The following DYM variants were observed in gnomAD, a reference collection of about 807,000 sequenced individuals.
DYM encodes dymeclin, also known as dyggve-Melchior-Clausen syndrome protein.
Under a neutral mutation model 93.1 loss-of-function variants are expected in DYM, and 78 were observed. That is an observed-to-expected ratio of 0.84 (90% confidence interval 0.70 to 1.01). DYM has a LOEUF of 1.01. DYM is among the 50% of genes least tolerant of loss of function. DYM has a pLI of 0.00. For missense variants in DYM, 789 were observed against 845.0 expected (o/e 0.93, Z 0.82); for synonymous variants, 321 against 319.7 (o/e 1.00, Z -0.04).
intron 13 of DYM, among the ~76,000 whole-genome samples, chr18:49,213,669 C>T (rs1032837663): frequency 1.3e-5 from 2 of 152,094 alleles, no homozygotes; most frequent in Non-Finnish European, 2.9e-5. Flanking sequence ...AATGAGATTA[C>T]CAGAGGCAAG....
intron 2 of DYM, among the ~76,000 whole-genome samples, chr18:49,394,971 C>G (rs2069862629): frequency 6.6e-6 from 1 of 152,166 alleles, no homozygotes; most frequent in African/African-American, 2.4e-5. Flanking sequence ...ACCCCTATCT[C>G]TAACCACTTA....
At chr18:49,206,944 T>C (rs1039981934) in intron 14 of DYM, among the ~76,000 whole-genome samples, 1 of 152,212 alleles carries the variant, frequency 6.6e-6, no homozygotes. Context: ...ACTCAGAAAC[T>C]GAGTGTTGGC....
intron 2 of DYM, among the ~76,000 whole-genome samples, chr18:49,413,959 A>G (rs111512140): frequency 0.091 from 13,895 of 152,154 alleles, 860 homozygotes; most frequent in East Asian, 0.31. Context: ...ACATTGAGCC[A>G]AAATCACGCC....
chr18:49,099,689 T>C (rs1255130488), intron 16 of DYM, among the ~76,000 whole-genome samples: 4 of 152,220 alleles, frequency 2.6e-5, no homozygotes, highest in Admixed American at 2.0e-4. Context: ...TACAGATTAC[T>C]AATCACAGCA....
intron 2 of DYM, among the ~76,000 whole-genome samples, chr18:49,397,363 T>C (rs1385002043): frequency 6.6e-6 from 1 of 152,226 alleles, no homozygotes; most frequent in African/African-American, 2.4e-5. Context: ...AAATCTCTTC[T>C]GTGGGACAGG....
intron 14 of DYM, among the ~76,000 whole-genome samples, chr18:49,192,031 G>A (rs1422059574): frequency 6.6e-6 from 1 of 151,784 alleles, no homozygotes; most frequent in East Asian, 1.9e-4. Context: ...CAAACACCTG[G>A]GCTCAAGCGA....
chr18:49,441,548 C>T (rs80192825), intron 1 of DYM, among the ~76,000 whole-genome samples: 13,579 of 149,274 alleles, frequency 0.091, 823 homozygotes, highest in East Asian at 0.3. Flanking sequence ...GGCAACTAGG[C>T]TCCAAGTGCT....
chr18:49,260,800 C>T (rs1832466652), intron 11 of DYM, among the ~76,000 whole-genome samples: 1 of 151,514 alleles, frequency 6.6e-6, no homozygotes, highest in South Asian at 2.1e-4. Context: ...GAGAAACTAC[C>T]ACATAAGCAT....
chr18:49,231,689 T>C (rs2093699512), intron 13 of DYM, among the ~76,000 whole-genome samples: 1 of 152,232 alleles, frequency 6.6e-6, no homozygotes, highest in Non-Finnish European at 1.5e-5. Flanking sequence ...GGAGTGGATC[T>C]ACTTGTATCT....
At chr18:49,282,271 AT>A in intron 9 of DYM, 96 bp from the exon 10 acceptor site, 1 of 1,182,510 alleles carries the variant, frequency 8.5e-7, no homozygotes, top group Non-Finnish European at 1.2e-6. Context: ...ATTCCCATTA[AT>A]TTTATGGAAA....
chr18:49,083,457 G>A (rs1476003728), intron 17 of DYM, among the ~76,000 whole-genome samples: 1 of 152,098 alleles, frequency 6.6e-6, no homozygotes, highest in African/African-American at 2.4e-5. Context: ...AGAGATACTG[G>A]TCTGTTCTTT....
chr18:49,401,697 C>A (rs78509572), intron 2 of DYM, among the ~76,000 whole-genome samples: 13,970 of 151,984 alleles, frequency 0.092, 871 homozygotes, highest in East Asian at 0.31. Context: ...TTGGGCTACC[C>A]GGAAGATAAT....
intron 13 of DYM, among the ~76,000 whole-genome samples, chr18:49,246,741 G>C (rs578243023): frequency 6.6e-6 from 1 of 152,188 alleles, no homozygotes; most frequent in Non-Finnish European, 1.5e-5. Flanking sequence ...ATCTGAGTTG[G>C]AGGTTCATTA....
At chr18:49,299,608 G>C (rs1013132548) in intron 8 of DYM, among the ~76,000 whole-genome samples, 1 of 152,062 alleles carries the variant, frequency 6.6e-6, no homozygotes, top group Non-Finnish European at 1.5e-5. Context: ...CCCTGAGAGA[G>C]GGCCTTCCCT....
At chr18:49,056,882 T>C (rs1017840935) in intron 17 of DYM, among the ~76,000 whole-genome samples, 2 of 152,168 alleles carry the variant, frequency 1.3e-5, no homozygotes, top group Non-Finnish European at 2.9e-5. Flanking sequence ...TGTAAAGACA[T>C]GTTTTTGCCA....
At chr18:49,388,364 A>G (rs2068840280) in intron 3 of DYM, among the ~76,000 whole-genome samples, 1 of 152,030 alleles carries the variant, frequency 6.6e-6, no homozygotes, top group Non-Finnish European at 1.5e-5. Context: ...GGAAAACATT[A>G]GAAACTAAAG....
intron 14 of DYM, among the ~76,000 whole-genome samples, chr18:49,175,319 C>G (rs1568545391): frequency 6.6e-6 from 1 of 152,102 alleles, no homozygotes; most frequent in Admixed American, 6.6e-5. Context: ...GGTATTCTTG[C>G]CTTACAAAAT....
rs1325271266 is a variant in DYM, at chr18:49,273,298, G to C, written c.1126-995C>G. Among the ~76,000 whole-genome samples the C allele has an allele frequency of 2.6e-5, 4 of 152,140 alleles. No homozygotes were observed. The East Asian group carries it at 7.7e-4, about 29-fold the overall frequency. On this transcript the variant is annotated intron_variant, in intron 10 of 17. Transcript: ENST00000675505. ...AGGAACGAAGTATACCAGTTACCAA[G>C]CAGTCATTGCTCTGTCTCTTTTCCC...
intron 1 of DYM, among the ~76,000 whole-genome samples, chr18:49,442,998 C>T (rs1036106019): frequency 2.0e-5 from 3 of 151,860 alleles, no homozygotes; most frequent in African/African-American, 7.3e-5. Flanking sequence ...GCTGGGACTA[C>T]AGGCATGCAC....
Sources: allele counts gnomAD v4.1 joint callset (sites outside exome capture counted in the v4.1 genomes callset), GRCh38; gene constraint gnomAD v4.1.1; transcripts MANE v1.5; gene names NCBI Gene and HGNC (gene_info 2026-07-23, HGNC 2026-07-21).